The following KLHL2 variants were observed in gnomAD, a reference collection of about 807,000 sequenced individuals.
KLHL2 encodes the protein kelch like family member 2, also known as kelch-like protein 2.
In KLHL2, 15 loss-of-function variants were observed where a neutral mutation model predicts 75.8. The observed-to-expected ratio is 0.20, with a 90% CI of 0.13 to 0.30. KLHL2 has a LOEUF of 0.30. Ranked by LOEUF, KLHL2 falls within the 10% of genes least tolerant of loss-of-function variation. The probability of loss-of-function intolerance (pLI) is 1.00; values close to 1 mark genes in which losing one functional copy is unlikely to be tolerated. For synonymous variants in KLHL2, 214 were observed against 251.9 expected (o/e 0.85, Z 1.42); for missense variants, 381 against 741.0 (o/e 0.51, Z 5.64).
At chr4:165,310,855 G>GT (rs201298313) in intron 10 of KLHL2, 105 bp downstream of exon 10, 59,047 of 582,762 alleles carry the variant, frequency 0.1, 643 homozygotes, top group African/African-American at 0.18. Context: ...GGTTTTTTGT[G>GT]TTTTTTTTTT....
chr4:165,278,502 C>T (rs145246529), intron 5 of KLHL2: 1 of 1,601,260 alleles, frequency 6.2e-7, no homozygotes, highest in Admixed American at 1.7e-5. Flanking sequence ...TGAGTGAGTC[C>T]ACAGATTATC....
At chr4:165,297,295 G>T (rs567431661) in intron 6 of KLHL2, among the ~76,000 whole-genome samples, 3 of 151,944 alleles carry the variant, frequency 2.0e-5, no homozygotes, top group Non-Finnish European at 4.4e-5. Context: ...CGATTTATGT[G>T]TATGGTCTAA....
chr4:165,264,746 A>ATATATG (rs1742085965), intron 5 of KLHL2, among the ~76,000 whole-genome samples: 1 of 79,104 alleles, frequency 1.3e-5, no homozygotes, highest in South Asian at 3.6e-4. Context: ...ATATGTATAT[A>ATATATG]TATATATATA....
chr4:165,296,212 G>A (rs1304503689), intron 6 of KLHL2, among the ~76,000 whole-genome samples: 1 of 152,162 alleles, frequency 6.6e-6, no homozygotes, highest in Non-Finnish European at 1.5e-5. Flanking sequence ...CATCTTATGG[G>A]TCTGTAATGT....
At chr4:165,274,498 A>G (rs1742926176) in intron 5 of KLHL2, among the ~76,000 whole-genome samples, 1 of 151,784 alleles carries the variant, frequency 6.6e-6, no homozygotes, top group Admixed American at 6.6e-5. Flanking sequence ...AGTCCCAGCT[A>G]TTTGGGAGGC....
At chr4:165,305,514 C>A in intron 8 of KLHL2, 94 bp from the exon 9 acceptor site, 1 of 1,014,192 alleles carries the variant, frequency 9.9e-7, no homozygotes. Context: ...CATCTTCATC[C>A]TAACACTTCC....
intron 6 of KLHL2, among the ~76,000 whole-genome samples, chr4:165,295,573 A>G (rs533745799): frequency 6.6e-6 from 1 of 152,198 alleles, no homozygotes; most frequent in African/African-American, 2.4e-5. Context: ...AGAATGCTGT[A>G]AAGGGTGCCT....
In KLHL2 at chr4:165,294,352, C is replaced by G. The variant is rs374055484; in HGVS notation, c.545-7C>G. ...GTTAGTGGATTTTCTTTTTAATTCC[C>G]AAACAGAGCAACATTTTGCAGATGT... On this transcript the variant is annotated splice_polypyrimidine_tract_variant and splice_region_variant and intron_variant, in intron 5 of 14. Transcript: ENST00000226725. The G allele has an allele frequency of 2.2e-5, 35 of 1,557,942 alleles. No individual in the cohort carries two copies. The African/African-American group carries it at 4.5e-4, about 20-fold the overall frequency.
At chr4:165,253,002 A>G (rs1310737103) in intron 4 of KLHL2, among the ~76,000 whole-genome samples, 1 of 152,240 alleles carries the variant, frequency 6.6e-6, no homozygotes, top group Non-Finnish European at 1.5e-5. Flanking sequence ...ATATTGGCAT[A>G]TAACACATGC....
Position 165,322,205 on chromosome 4 carries a change from T to G in KLHL2, c.*145T>G. 1.4e-6 allele frequency: 1 copy of G among 732,266 alleles called. No individual in the cohort carries two copies. 45.4% of individuals were successfully genotyped at this position (732,266 alleles called of 1,614,324 possible). A position where few individuals can be genotyped will look rare whatever the true frequency, so the allele number is the denominator to read the frequency against. ...ATACGATCGTCTGCCTTTATAGGCC[T>G]CAGATACTGAAGATTATTTTTGGTA... is the stretch of plus-strand genomic sequence containing the variant. On this transcript the variant is annotated 3_prime_UTR_variant, in exon 15 of 15. Transcript: ENST00000226725.
intron 1 of KLHL2, chr4:165,209,355 G>C (rs529166244): frequency 6.6e-6 from 1 of 152,266 alleles, no homozygotes; most frequent in Non-Finnish European, 1.5e-5. Flanking sequence ...TAACATGTAG[G>C]TATGCTATCT....
At chr4:165,301,925 C>T (rs563066150) in intron 8 of KLHL2, among the ~76,000 whole-genome samples, 14 of 151,990 alleles carry the variant, frequency 9.2e-5, no homozygotes, top group Admixed American at 8.5e-4. Flanking sequence ...CTAGAGTTCT[C>T]GGTAAAAGCC....
In KLHL2 at chr4:165,277,808, T is replaced by G. The variant is rs538522410; in HGVS notation, c.544+14449T>G. On this transcript the variant is annotated intron_variant, in intron 5 of 14. Transcript: ENST00000226725. ...ACACCAAATATTTCTATAGCATTCT[T>G]TTTGCTGCATTTTCTTTATTTTAAG... is the stretch of plus-strand genomic sequence containing the variant. 6.6e-4 allele frequency: 414 copies of G among 631,910 alleles called. 1 individual carries two copies. Among genetic ancestry groups the G allele is most frequent in the African/African-American group, 5.8e-3 (318 of 54,802 alleles). 39.1% of individuals were successfully genotyped at this position (631,910 alleles called of 1,614,324 possible). A position where few individuals can be genotyped will look rare whatever the true frequency, so the allele number is the denominator to read the frequency against.
At chr4:165,214,626 C>A (rs939054231) in intron 1 of KLHL2, among the ~76,000 whole-genome samples, 7 of 152,174 alleles carry the variant, frequency 4.6e-5, no homozygotes, top group African/African-American at 1.7e-4. Flanking sequence ...TGCTTCCCCA[C>A]ACACTTAACA....
intron 5 of KLHL2, among the ~76,000 whole-genome samples, chr4:165,270,094 C>T (rs1232077647): frequency 2.0e-5 from 3 of 152,218 alleles, no homozygotes; most frequent in African/African-American, 7.2e-5. Flanking sequence ...GATATCCTTT[C>T]TTCCACTTGG....
chr4:165,305,532 G>T, intron 8 of KLHL2, 76 bp from the exon 9 acceptor site: 1 of 1,180,788 alleles, frequency 8.5e-7, no homozygotes, highest in Non-Finnish European at 1.3e-6. Context: ...TCCCACACCA[G>T]TGTCTTTGTA....
Position 165,312,726 on chromosome 4 carries a change from C to G in KLHL2, c.1340-512C>G, listed in dbSNP as rs975409988. Reference sequence around the variant, plus strand: ...ATTTGCCTCTTCTGAATATTTTAGTCATACAGTATGTGATCTTTGGTGACT... The same window carrying G: ...ATTTGCCTCTTCTGAATATTTTAGTGATACAGTATGTGATCTTTGGTGACT... On this transcript the variant is annotated intron_variant, in intron 11 of 14. Coordinates refer to ENST00000226725, the MANE Select transcript of KLHL2 (RefSeq NM_007246.4). Among the ~76,000 whole-genome samples the G allele has an allele frequency of 3.9e-5, 6 of 152,300 alleles. 1 individual carries two copies. The highest frequency in any genetic ancestry group is 1.3e-4 in the Admixed American group (2 of 15,298).
At chr4:165,312,326 T>C (rs2126570810) in intron 11 of KLHL2, among the ~76,000 whole-genome samples, 2 of 152,310 alleles carry the variant, frequency 1.3e-5, no homozygotes, top group East Asian at 3.9e-4. Flanking sequence ...ATTTTATATC[T>C]GGAGAAGGGC....
chr4:165,274,183 A>AATAC lies in KLHL2; in HGVS notation c.544+10836_544+10839dup, dbSNP rs367868772. Among the ~76,000 whole-genome samples the AATAC allele has an allele frequency of 1.4e-4, 22 of 152,338 alleles. 1 individual carries two copies. In the East Asian group the frequency reaches 2.9e-3, roughly 20 times the overall value. ...AGAAATAAATAGCAATAGATGACTC[A>AATAC]ATACATACATACATATATACATGTA... On this transcript the variant is annotated intron_variant, in intron 5 of 14. Transcript: ENST00000226725.
Sources: allele counts gnomAD v4.1 joint callset (sites outside exome capture counted in the v4.1 genomes callset), GRCh38; gene constraint gnomAD v4.1.1; transcripts MANE v1.5; gene names NCBI Gene and HGNC (gene_info 2026-07-23, HGNC 2026-07-21).